Variants in MMP27 observed in about 807,000 individuals in gnomAD.
MMP27 encodes the protein matrix metalloproteinase-27.
Under a neutral mutation model 48.1 loss-of-function variants are expected in MMP27, and 51 were observed. That is an observed-to-expected ratio of 1.06 (90% confidence interval 0.85 to 1.34). MMP27 has a LOEUF of 1.34. MMP27 is among the 40% of genes most tolerant of loss of function. MMP27 has a pLI of 0.00. For synonymous variants in MMP27, 229 were observed against 208.9 expected (o/e 1.10, Z -0.83); for missense variants, 698 against 619.3 (o/e 1.13, Z -1.35).
rs755989480 is a variant in MMP27, at chr11:102,696,747, T to C, written c.708A>G (p.Pro236=). The change falls in exon 5 of 10, where the codon CCA becomes CCG. Residue 236 remains proline (P), a synonymous_variant. Transcript: ENST00000260229. The stretch of plus-strand genomic sequence containing the variant: ...TTCTGGGATCCAGGGAGACATAATT[T>C]GGGAACATCAAGGCTGTTTGATCAT... The part of the protein sequence containing the change: ...HSNDQTALMF[P]NYVSLDPRKY... 14 of 1,613,854 alleles carry C rather than the reference T, an allele frequency of 8.7e-6. No individual in the cohort carries two copies. Among genetic ancestry groups the C allele is most frequent in the Middle Eastern group, 1.7e-4 (1 of 6,060 alleles).
chr11:102,702,097 A>G (rs2846364), intron 4 of MMP27, among the ~76,000 whole-genome samples: 140,687 of 152,326 alleles, frequency 0.92, 65,031 homozygotes, highest in East Asian at 1. Context: ...TATTTTTGTC[A>G]GAACAGTAGT....
At position 102,699,483 on chromosome 11, in the gene MMP27, A is replaced by AC. The variant is rs1239734832; in HGVS notation, c.620-2649_620-2648insG. 8.1e-3 allele frequency among the ~76,000 whole-genome samples: 1,233 copies of AC among 152,148 alleles called. 23 individuals carry two copies. The highest frequency in any genetic ancestry group is 0.028 in the African/African-American group (1,166 of 41,466). On this transcript the variant is annotated intron_variant, in intron 4 of 9. Coordinates refer to ENST00000260229, the MANE Select transcript of MMP27 (RefSeq NM_022122.3). Reference sequence around the variant, plus strand: ...ACCCGGTCTCAAAAAATAAATAAATAAATACATACATACATACATAAAGTC... The same window carrying AC: ...ACCCGGTCTCAAAAAATAAATAAATACAATACATACATACATACATAAAGTC...
intron 2 of MMP27, 38 bp from the exon 3 acceptor site, chr11:102,703,156 T>C: frequency 6.3e-7 from 1 of 1,590,332 alleles, no homozygotes; most frequent in Non-Finnish European, 8.6e-7. Context: ...TTCTGGCTTA[T>C]TCATGCATGA....
In MMP27 at chr11:102,691,634, G is replaced by T; in HGVS notation, c.*132C>A. ...AACTTCCTATTAAAAGAATCAGGCA[G>T]CTCAAAATGGCCATTGAATTTGGAT... On this transcript the variant is annotated 3_prime_UTR_variant, in exon 10 of 10. Coordinates refer to ENST00000260229, the MANE Select transcript of MMP27 (RefSeq NM_022122.3). 1.4e-6 allele frequency: 1 copy of T among 734,360 alleles called. No individual in the cohort carries two copies. The highest frequency in any genetic ancestry group is 2.1e-6 in the Non-Finnish European group (1 of 476,138). 45.5% of individuals were successfully genotyped at this position (734,360 alleles called of 1,614,324 possible). A position where few individuals can be genotyped will look rare whatever the true frequency, so the allele number is the denominator to read the frequency against.
chr11:102,695,689 G>A (rs550676293), intron 6 of MMP27, among the ~76,000 whole-genome samples: 1 of 152,266 alleles, frequency 6.6e-6, no homozygotes, highest in Non-Finnish European at 1.5e-5. Context: ...GGTGAAAGGA[G>A]TCCAATTTCA....
rs1860993851 is a variant in MMP27 at position 102,703,856 on chromosome 11, G to T, written c.341+681C>A. Among the ~76,000 whole-genome samples, 2 of 152,142 alleles carry T rather than the reference G, an allele frequency of 1.3e-5. 1 individual carries two copies. The highest frequency in any genetic ancestry group is 4.1e-4 in the South Asian group (2 of 4,826). ...TAAGAATCTTACATGAGAACCACAA[G>T]AATTGCTCAGGAAAAGATTTTTCTC... is the stretch of plus-strand genomic sequence containing the variant. On this transcript the variant is annotated intron_variant, in intron 2 of 9. Coordinates refer to ENST00000260229, the MANE Select transcript of MMP27 (RefSeq NM_022122.3).
At chr11:102,701,563 G>A (rs1860940668) in intron 4 of MMP27, among the ~76,000 whole-genome samples, 1 of 152,174 alleles carries the variant, frequency 6.6e-6, no homozygotes, top group African/African-American at 2.4e-5. Context: ...ATTGAAACAT[G>A]TCTCAGCAGA....
At chr11:102,694,226 T>G (rs563869332) in intron 7 of MMP27, among the ~76,000 whole-genome samples, 161 bp from the exon 8 acceptor site, 141 of 152,360 alleles carry the variant, frequency 9.3e-4, no homozygotes, top group African/African-American at 3.3e-3. Flanking sequence ...GCTGCTCATA[T>G]TATTTATATT....
At chr11:102,696,939 A>C (rs1399960504) in intron 4 of MMP27, 104 bp from the exon 5 acceptor site, 2 of 1,200,828 alleles carry the variant, frequency 1.7e-6, no homozygotes, top group East Asian at 2.5e-5. Flanking sequence ...AAGGCTTGCT[A>C]TACAGCAGAT....
Position 102,704,551 on chromosome 11 carries a change from G to T in MMP27, c.327C>A (p.Tyr109Ter). 1.2e-6 allele frequency: 2 copies of T among 1,612,646 alleles called. No individual in the cohort carries two copies. The highest frequency in any genetic ancestry group is 1.7e-6 in the Non-Finnish European group (2 of 1,178,774). ...YGYTLPGWRKYNLTYRIINYT... is the reference protein window; with the variant it reads ...YGYTLPGWRK ...AGAAGCATTACCTGTAGGTGAGGTT[G>T]TATTTTCTCCACCCAGGGAGGGTGT... Residue 109 changes from tyrosine (Y) to a stop codon, truncating the protein, a stop_gained, in exon 2 of 10, where the codon TAC (tyrosine) becomes TAA (stop). Transcript: ENST00000260229. LOFTEE classifies it high-confidence loss of function.
At chr11:102,693,614 C>A (rs918196458) in intron 8 of MMP27, among the ~76,000 whole-genome samples, 22 of 152,000 alleles carry the variant, frequency 1.4e-4, no homozygotes, top group African/African-American at 4.8e-4. Context: ...GAAACTCCAT[C>A]TCTACAAAAA....
At chr11:102,694,164 G>T in intron 7 of MMP27, 99 bp from the exon 8 acceptor site, 1 of 783,906 alleles carries the variant, frequency 1.3e-6, no homozygotes, top group Non-Finnish European at 1.9e-6. Context: ...TAGCTTCAGT[G>T]CTTAGAGATT....
intron 6 of MMP27, among the ~76,000 whole-genome samples, 197 bp downstream of exon 6, chr11:102,696,174 C>T (rs551935293): frequency 1.2e-4 from 18 of 152,226 alleles, no homozygotes; most frequent in African/African-American, 3.6e-4. Flanking sequence ...TTTAAAATTC[C>T]TTAAAGACAT....
At chr11:102,702,283 G>C (rs545963219) in intron 4 of MMP27, among the ~76,000 whole-genome samples, 31 of 152,338 alleles carry the variant, frequency 2.0e-4, no homozygotes, top group African/African-American at 7.5e-4. Flanking sequence ...TCCATATACT[G>C]TCCTTTAATT....
intron 4 of MMP27, 114 bp from the exon 5 acceptor site, chr11:102,696,949 T>A (rs1342349435): frequency 1.9e-6 from 2 of 1,069,098 alleles, no homozygotes; most frequent in African/African-American, 1.6e-5. Flanking sequence ...ATACAGCAGA[T>A]AATTCTCATA....
At chr11:102,703,833 A>G (rs961798327) in intron 2 of MMP27, among the ~76,000 whole-genome samples, 2 of 152,172 alleles carry the variant, frequency 1.3e-5, no homozygotes, top group Non-Finnish European at 2.9e-5. Context: ...CCATATATTA[A>G]GAATCTTACA....
Position 102,695,040 on chromosome 11 carries a change from T to G in MMP27, c.960A>C (p.Ser320=). 1 of 1,614,000 alleles carries G rather than the reference T, an allele frequency of 6.2e-7. No individual in the cohort carries two copies. The highest frequency in any genetic ancestry group is 1.1e-5 in the South Asian group (1 of 91,076). Residue 320 remains serine (S), a synonymous_variant, in exon 7 of 10, where the codon TCA becomes TCC. Coordinates refer to ENST00000260229, the MANE Select transcript of MMP27 (RefSeq NM_022122.3). The part of the protein sequence containing the change: ...ITDVEFELIA[S]FWPSLPADLQ... Reference sequence around the variant, plus strand: ...GATCAGCTGGCAGAGATGGCCAGAATGAAGCAATTAATTCAAACTCAACAT... The same window carrying G: ...GATCAGCTGGCAGAGATGGCCAGAAGGAAGCAATTAATTCAAACTCAACAT...
Position 102,703,374 on chromosome 11 carries a change from C to G in MMP27, c.342-256G>C, listed in dbSNP as rs113504762. On this transcript the variant is annotated intron_variant, in intron 2 of 9. Transcript: ENST00000260229. ...AAGGAGGCTGAAAGAGGTTAAATGA[C>G]TTCACTAAGATCACATCCCAAGACA... Among the ~76,000 whole-genome samples, 986 of 152,228 alleles carry G rather than the reference C, an allele frequency of 6.5e-3. 12 individuals are homozygous for G. The highest frequency in any genetic ancestry group is 0.023 in the African/African-American group (941 of 41,552).
At position 102,695,048 on chromosome 11, in the gene MMP27, T is replaced by G. The variant is rs149655714; in HGVS notation, c.952A>C (p.Ile318Leu). Reference sequence around the variant, plus strand: ...GGCAGAGATGGCCAGAATGAAGCAATTAATTCAAACTCAACATCCGTGATA... The same window carrying G: ...GGCAGAGATGGCCAGAATGAAGCAAGTAATTCAAACTCAACATCCGTGATA... ...YDITDVEFEL[I>L]ASFWPSLPAD... The change falls in exon 7 of 10, where the codon ATT becomes CTT. Residue 318 changes from isoleucine (I) to leucine (L), a missense_variant. Coordinates refer to ENST00000260229, the MANE Select transcript of MMP27 (RefSeq NM_022122.3). 9.3e-6 allele frequency: 15 copies of G among 1,613,880 alleles called. No homozygotes were observed. The African/African-American group carries it at 1.6e-4, about 17-fold the overall frequency.
Sources: gnomAD v4.1 joint callset for allele counts (sites outside exome capture counted in the v4.1 genomes callset) on GRCh38, gnomAD v4.1.1 for gene constraint, MANE v1.5 for transcripts, NCBI Gene and HGNC (gene_info 2026-07-23, HGNC 2026-07-21) for gene names.